Variants in EARS2 observed in about 807,000 individuals in gnomAD.
EARS2 encodes nondiscriminating glutamyl-tRNA synthetase EARS2, mitochondrial.
In EARS2, 50 loss-of-function variants were observed where a neutral mutation model predicts 54.1. That is an observed-to-expected ratio of 0.92 (90% CI 0.74 to 1.17). The LOEUF (loss-of-function observed/expected upper bound fraction) is 1.17. Ranked by LOEUF, EARS2 falls within the 50% of genes most tolerant of loss-of-function variation. EARS2 has a pLI of 0.00. For missense variants in EARS2, 673 were observed against 675.0 expected (o/e 1.00, Z 0.03); for synonymous variants, 298 against 281.0 (o/e 1.06, Z -0.61).
At chr16:23,552,118 T>G in intron 2 of EARS2, 31 bp downstream of exon 2, 2 of 1,604,980 alleles carry the variant, frequency 1.2e-6, no homozygotes, top group Non-Finnish European at 1.7e-6. Context: ...GTTCCTTCCC[T>G]GCAGAAAGAT....
At chr16:23,549,575 C>T (rs1965660140) in intron 2 of EARS2, among the ~76,000 whole-genome samples, 1 of 152,212 alleles carries the variant, frequency 6.6e-6, no homozygotes, top group Non-Finnish European at 1.5e-5. Flanking sequence ...GTGATGCTCC[C>T]ACCTCAGCCT....
intron 2 of EARS2, 48 bp downstream of exon 2, chr16:23,552,101 G>C (rs1313367424): frequency 6.3e-7 from 1 of 1,590,638 alleles, no homozygotes; most frequent in South Asian, 1.1e-5. Flanking sequence ...TCCTTTTCCT[G>C]CTTCCTGTTC....
rs1965211640 is a variant in EARS2 at position 23,525,452 on chromosome 16, GGTT to G, written c.1353-76_1353-74del. 8 of 1,501,734 alleles carry G rather than the reference GGTT, an allele frequency of 5.3e-6. No individual in the cohort carries two copies. The Admixed American group carries it at 1.6e-4, about 30-fold the overall frequency. The allele number at this position is 1,501,734 out of a possible 1,614,324, so 93.0% of individuals were successfully genotyped here. A position where few individuals can be genotyped will look rare whatever the true frequency, so the allele number is the denominator to read the frequency against. On this transcript the variant is annotated intron_variant, in intron 7 of 8. Transcript: ENST00000449606. The stretch of plus-strand genomic sequence containing the variant: ...GTGGGTGGGAGGAAGGGCTTCAGAA[GGTT>G]ATTGATCAGCTACAGTACGAGCAGC...
chr16:23,545,936 C>G (rs1055554057), intron 2 of EARS2, among the ~76,000 whole-genome samples: 1 of 152,170 alleles, frequency 6.6e-6, no homozygotes, highest in African/African-American at 2.4e-5. Context: ...GATCCTCCCA[C>G]CTCAGCCTCT....
In EARS2 at chr16:23,521,072, G is replaced by A. The variant is rs1965138283; in HGVS notation, c.*3299C>T. Among the ~76,000 whole-genome samples the A allele has an allele frequency of 6.6e-6, 1 of 152,180 alleles. No individual in the cohort carries two copies. Among genetic ancestry groups the A allele is most frequent in the African/African-American group, 2.4e-5 (1 of 41,442 alleles). On this transcript the variant is annotated 3_prime_UTR_variant, in exon 9 of 9. Coordinates refer to ENST00000449606, the MANE Select transcript of EARS2 (RefSeq NM_001083614.2). ...CTCCCAAAATGTTGGGATTCTAGGT[G>A]TGAGCCACCAGGCCCAGCTCTAATT...
In EARS2 at chr16:23,524,330, AG is replaced by A. The variant is rs1218545955; in HGVS notation, c.*40del. The A allele has an allele frequency of 6.4e-7, 1 of 1,564,698 alleles. No homozygotes were observed. Among genetic ancestry groups the A allele is most frequent in the Non-Finnish European group, 8.8e-7 (1 of 1,135,498 alleles). On this transcript the variant is annotated 3_prime_UTR_variant, in exon 9 of 9. Transcript: ENST00000449606. Reference sequence around the variant, plus strand: ...CTCTGAAAGCTGTTTCTAAGCTCACAGGTTCTTAGGGCGATCTCCACTGCCC... The same window carrying A: ...CTCTGAAAGCTGTTTCTAAGCTCACAGTTCTTAGGGCGATCTCCACTGCCC...
At chr16:23,528,724 G>A (rs1965271460) in intron 7 of EARS2, among the ~76,000 whole-genome samples, 1 of 152,198 alleles carries the variant, frequency 6.6e-6, no homozygotes, top group African/African-American at 2.4e-5. Context: ...AACATGGCAA[G>A]ACCTTGTCTC....
chr16:23,546,611 A>T (rs1427784129), intron 2 of EARS2, among the ~76,000 whole-genome samples: 1 of 152,218 alleles, frequency 6.6e-6, no homozygotes, highest in East Asian at 1.9e-4. Flanking sequence ...GTTGGAGTGC[A>T]GTGGCACGTT....
At chr16:23,549,312 C>A (rs887172868) in intron 2 of EARS2, among the ~76,000 whole-genome samples, 2 of 152,132 alleles carry the variant, frequency 1.3e-5, no homozygotes, top group Non-Finnish European at 2.9e-5. Context: ...GATGCCAGCA[C>A]CCAACACAGA....
chr16:23,530,981 T>C (rs1965317464), intron 5 of EARS2, among the ~76,000 whole-genome samples: 1 of 151,486 alleles, frequency 6.6e-6, no homozygotes, highest in East Asian at 2.0e-4. Flanking sequence ...AACCTCCACC[T>C]CCCAGGTTTA....
chr16:23,544,672 G>C lies in EARS2; in HGVS notation c.327C>G (p.Gly109=), dbSNP rs745676254. 6.2e-7 allele frequency: 1 copy of C among 1,607,298 alleles called. No individual in the cohort carries two copies. Among genetic ancestry groups the C allele is most frequent in the Admixed American group, 1.7e-5 (1 of 58,932 alleles). The change falls in exon 3 of 9, where the codon GGC becomes GGG. Residue 109 remains glycine (G), a synonymous_variant. Transcript: ENST00000449606. ...ATTGCTGGTAGGGCCCAGCAGGACC[G>C]CCCCGGCGGGGGCTCTCATCAGGCG... The part of the protein sequence containing the change: ...GIPPDESPRR[G]GPAGPYQQSQ...
In EARS2 at chr16:23,544,674, C is replaced by T; in HGVS notation, c.325G>A (p.Gly109Ser). Residue 109 changes from glycine to serine, a missense_variant, in exon 3 of 9, where the codon GGC (glycine) becomes AGC (serine). By Grantham distance (56) the Gly-to-Ser change is moderately conservative (BLOSUM62 0). Transcript: ENST00000449606. The part of the protein sequence containing the change: ...GIPPDESPRR[G>S]GPAGPYQQSQ... ...TGCTGGTAGGGCCCAGCAGGACCGCCCCGGCGGGGGCTCTCATCAGGCGGG... is the reference window on the plus strand; with the variant it reads ...TGCTGGTAGGGCCCAGCAGGACCGCTCCGGCGGGGGCTCTCATCAGGCGGG... 6.2e-7 allele frequency: 1 copy of T among 1,607,474 alleles called. No homozygotes were observed. Among genetic ancestry groups the T allele is most frequent in the Non-Finnish European group, 8.5e-7 (1 of 1,177,922 alleles).
chr16:23,522,809 G>C lies in EARS2; in HGVS notation c.*1562C>G, dbSNP rs1965160675. ...CTTCTCTGAGTGGTTCTGGCTTAGG[G>C]TCTCCCATAGAGGTCACAAGCGAGA... On this transcript the variant is annotated 3_prime_UTR_variant, in exon 9 of 9. Coordinates refer to ENST00000449606, the MANE Select transcript of EARS2 (RefSeq NM_001083614.2). The C allele has an allele frequency of 6.6e-6, 1 of 152,156 alleles. No homozygotes were observed. Among genetic ancestry groups the C allele is most frequent in the African/African-American group, 2.4e-5 (1 of 41,428 alleles). The allele number at this position is 152,156 out of a possible 1,614,324, so 9.4% of individuals were successfully genotyped here. A position where few individuals can be genotyped will look rare whatever the true frequency, so the allele number is the denominator to read the frequency against.
At chr16:23,529,961 C>T in intron 5 of EARS2, 64 bp from the exon 6 acceptor site, 1 of 1,582,838 alleles carries the variant, frequency 6.3e-7, no homozygotes, top group South Asian at 1.1e-5. Flanking sequence ...CCGTCTCTCC[C>T]CCAGGGAAAG....
chr16:23,537,786 TTTTC>T (rs1192690242), intron 3 of EARS2, among the ~76,000 whole-genome samples: 11 of 148,834 alleles, frequency 7.4e-5, no homozygotes, highest in East Asian at 1.9e-4. Context: ...TTTCTTTTCT[TTTTC>T]TTTCTTTTTT....
At chr16:23,536,714 G>A (rs562432865) in intron 3 of EARS2, among the ~76,000 whole-genome samples, 2 of 133,888 alleles carry the variant, frequency 1.5e-5, no homozygotes, top group South Asian at 2.3e-4. Context: ...ATAGAGTCTC[G>A]CTGTGTCACC....
chr16:23,544,656 A>G lies in EARS2; in HGVS notation c.343T>C (p.Tyr115His). 6.2e-7 allele frequency: 1 copy of G among 1,610,478 alleles called. No homozygotes were observed. The highest frequency in any genetic ancestry group is 8.5e-7 in the Non-Finnish European group (1 of 1,178,962). Reference protein sequence around the residue: ...SPRRGGPAGPYQQSQRLELYA... With the variant: ...SPRRGGPAGPHQQSQRLELYA... ...AGCTCCAACCGCTGAGATTGCTGGT[A>G]GGGCCCAGCAGGACCGCCCCGGCGG... Residue 115 changes from tyrosine to histidine, a missense_variant, in exon 3 of 9, where the codon TAC (tyrosine) becomes CAC (histidine). Around this residue, in one of 3 missense-constraint regions of EARS2, gnomAD observed 316 missense variants for 275.2 expected, o/e 1.15. Transcript: ENST00000449606.
intron 3 of EARS2, among the ~76,000 whole-genome samples, chr16:23,542,316 CTTTTTTTTTTTTTTT>C (rs745418385): frequency 1.1e-5 from 1 of 93,698 alleles, no homozygotes; most frequent in Admixed American, 1.6e-4. Flanking sequence ...TTTCATTTTT[CTTTTTTTTTTTTTTT>C]TTTTTTGAGA....
At chr16:23,548,368 C>G (rs574390077) in intron 2 of EARS2, among the ~76,000 whole-genome samples, 2 of 152,180 alleles carry the variant, frequency 1.3e-5, no homozygotes, top group Non-Finnish European at 2.9e-5. Context: ...CCCTCTGCCT[C>G]GCCAAAACAC....
Sources: gnomAD v4.1 joint callset for allele counts (sites outside exome capture counted in the v4.1 genomes callset) on GRCh38, gnomAD v4.1.1 for gene constraint, gnomAD v4.1.1 regional missense constraint, MANE v1.5 for transcripts, NCBI Gene and HGNC (gene_info 2026-07-23, HGNC 2026-07-21) for gene names.